LEPR: variants seen among roughly 807,000 people sequenced by gnomAD.
LEPR encodes OB receptor.
LEPR carries 56 observed loss-of-function variants against 114.7 expected under a neutral mutation model. The ratio of observed to expected loss-of-function variants is 0.49; its 90% CI spans 0.39 to 0.61. The LOEUF (loss-of-function observed/expected upper bound fraction) is 0.61. Ranked by LOEUF, LEPR falls within the 20% of genes least tolerant of loss-of-function variation. The pLI is 0.00. For missense variants in LEPR, 1,202 were observed against 1,352.9 expected (o/e 0.89, Z 1.75); for synonymous variants, 443 against 461.4 (o/e 0.96, Z 0.51).
At chr1:65,447,730 GT>G (rs1646731930) in intron 2 of LEPR, among the ~76,000 whole-genome samples, 1 of 151,776 alleles carries the variant, frequency 6.6e-6, no homozygotes, top group Non-Finnish European at 1.5e-5. Context: ...GCAGATATGG[GT>G]TTTTGCCATG....
chr1:65,470,091 T>G (rs1647064700), intron 2 of LEPR, among the ~76,000 whole-genome samples: 3 of 152,220 alleles, frequency 2.0e-5, no homozygotes, highest in South Asian at 2.1e-4. Context: ...TCCTTTCCCC[T>G]AAATTCTAGT....
rs375734433 is a variant in LEPR, at chr1:65,564,424, G to C, written c.-20-1122G>C. On this transcript the variant is annotated intron_variant, in intron 2 of 19. Transcript: ENST00000349533. The stretch of plus-strand genomic sequence containing the variant: ...CCCTGCTTCGGCTCGCACACGGTGC[G>C]TGCACCCACTGGCCTGCGCCCACTG... Among the ~76,000 whole-genome samples the C allele has an allele frequency of 2.1e-5, 3 of 142,588 alleles. No individual in the cohort carries two copies. In the East Asian group the frequency reaches 5.9e-4, roughly 28 times the overall value. 93.5% of individuals were successfully genotyped at this position (142,588 alleles called of 152,430 possible). A position where few individuals can be genotyped will look rare whatever the true frequency, so the allele number is the denominator to read the frequency against.
chr1:65,539,975 C>T (rs897254955), intron 2 of LEPR, among the ~76,000 whole-genome samples: 4 of 152,260 alleles, frequency 2.6e-5, no homozygotes, highest in African/African-American at 9.6e-5. Context: ...GTTCGGAGAG[C>T]TACCCAGTAA....
At chr1:65,458,122 T>A (rs1400870887) in intron 2 of LEPR, among the ~76,000 whole-genome samples, 1 of 152,190 alleles carries the variant, frequency 6.6e-6, no homozygotes, top group Non-Finnish European at 1.5e-5. Flanking sequence ...AACCTCAAAT[T>A]TAGATGAAAA....
chr1:65,514,925 A>T (rs1314342971), intron 2 of LEPR, among the ~76,000 whole-genome samples: 4 of 152,278 alleles, frequency 2.6e-5, no homozygotes, highest in Non-Finnish European at 5.9e-5. Flanking sequence ...GGGCATTTAT[A>T]TAGGGATACG....
At chr1:65,461,739 G>C (rs2100376930) in intron 2 of LEPR, among the ~76,000 whole-genome samples, 1 of 152,314 alleles carries the variant, frequency 6.6e-6, no homozygotes, top group East Asian at 1.9e-4. Context: ...CAGTTATGGA[G>C]AGAGGAAAAA....
At position 65,572,340 on chromosome 1, in the gene LEPR, A is replaced by T. The variant is rs1311632339; in HGVS notation, c.385A>T (p.Ile129Leu). 6.4e-7 allele frequency: 1 copy of T among 1,566,456 alleles called. No individual in the cohort carries two copies. Among genetic ancestry groups the T allele is most frequent in the Admixed American group, 1.9e-5 (1 of 52,982 alleles). Residue 129 changes from isoleucine (I) to leucine (L), a missense_variant, in exon 5 of 20, where the codon ATA becomes TTA. By Grantham distance (5) the Ile-to-Leu change is conservative. Transcript: ENST00000349533. ...TTTAAATTCAGATGCAAACTGGAAC[A>T]TACAGTGCTGGCTAAAAGGAGACTT... ...VFQQIDANWN[I>L]QCWLKGDLKL...
At chr1:65,535,678 A>G (rs964712483) in intron 2 of LEPR, among the ~76,000 whole-genome samples, 1 of 141,580 alleles carries the variant, frequency 7.1e-6, no homozygotes, top group African/African-American at 2.5e-5. Context: ...GACACAACAA[A>G]CAGGATGCAA....
rs1283267112 is a variant in LEPR at position 65,639,950 on chromosome 1, G to A, written c.*2935G>A. On this transcript the variant is annotated 3_prime_UTR_variant, in exon 20 of 20. Coordinates refer to ENST00000349533, the MANE Select transcript of LEPR (RefSeq NM_002303.6). ...GAGCTACAAGTTGACAAGAAAAATA[G>A]GAGCAGTTTTTTTTTTCTTTTTAAA... The A allele has an allele frequency of 1.3e-5, 2 of 152,050 alleles. No individual in the cohort carries two copies. Among genetic ancestry groups the A allele is most frequent in the East Asian group, 3.8e-4 (2 of 5,196 alleles). 9.4% of individuals were successfully genotyped at this position (152,050 alleles called of 1,614,324 possible).
chr1:65,628,147 C>T (rs968114620), intron 19 of LEPR, among the ~76,000 whole-genome samples: 4 of 152,058 alleles, frequency 2.6e-5, no homozygotes, highest in Non-Finnish European at 5.9e-5. Flanking sequence ...ACATTGCTAA[C>T]AATAGGATAA....
chr1:65,530,469 C>T (rs1277640865), intron 2 of LEPR, among the ~76,000 whole-genome samples: 1 of 152,120 alleles, frequency 6.6e-6, no homozygotes, highest in East Asian at 1.9e-4. Context: ...ATAGAGCAGC[C>T]CCAAGGTCTG....
chr1:65,475,620 T>TG (rs1342427317), intron 2 of LEPR, among the ~76,000 whole-genome samples: 1 of 152,196 alleles, frequency 6.6e-6, no homozygotes, highest in Non-Finnish European at 1.5e-5. Flanking sequence ...AAGGTGGTCT[T>TG]TGGCTGCTCA....
At chr1:65,500,470 C>T (rs1648389764) in intron 2 of LEPR, among the ~76,000 whole-genome samples, 1 of 152,154 alleles carries the variant, frequency 6.6e-6, no homozygotes, top group Non-Finnish European at 1.5e-5. Context: ...GCATCTGTCA[C>T]CCTGAGAGGG....
In LEPR at chr1:65,610,251, T is replaced by C. The variant is rs577164681; in HGVS notation, c.1950T>C (p.Asn650=). 4.8e-5 allele frequency: 78 copies of C among 1,613,938 alleles called. No homozygotes were observed. In the South Asian group the frequency reaches 5.3e-4, roughly 11 times the overall value. The change falls in exon 14 of 20, where the codon AAT becomes AAC. Residue 650 remains asparagine (N), a synonymous_variant. Transcript: ENST00000349533. Reference sequence around the variant, plus strand: ...GACCTGAATTTTGGAGAATAATTAATGGAGATACTATGAAAAAGGAGAAAA... The same window carrying C: ...GACCTGAATTTTGGAGAATAATTAACGGAGATACTATGAAAAAGGAGAAAA... ...MRGPEFWRII[N]GDTMKKEKNV...
chr1:65,593,955 G>C (rs998446331), intron 6 of LEPR, among the ~76,000 whole-genome samples: 3 of 152,010 alleles, frequency 2.0e-5, no homozygotes, highest in Non-Finnish European at 2.9e-5. Context: ...AATGAAGTAG[G>C]TAAGGGAAAG....
intron 2 of LEPR, among the ~76,000 whole-genome samples, chr1:65,501,325 CT>C (rs77603966): frequency 0.1 from 15,275 of 151,736 alleles, 1,025 homozygotes; most frequent in South Asian, 0.18. Flanking sequence ...CCTCTTTTAG[CT>C]TTTGGTAGCC....
intron 19 of LEPR, among the ~76,000 whole-genome samples, chr1:65,624,090 CCTG>C (rs1436722765): frequency 6.6e-6 from 1 of 152,132 alleles, no homozygotes; most frequent in Non-Finnish European, 1.5e-5. Flanking sequence ...TAGTACTCCT[CCTG>C]CTGTTCTTTA....
chr1:65,556,017 C>A (rs1284550889), intron 2 of LEPR, among the ~76,000 whole-genome samples: 1 of 152,124 alleles, frequency 6.6e-6, no homozygotes, highest in African/African-American at 2.4e-5. Context: ...ATGTTGAAAC[C>A]TAATTACCAA....
At chr1:65,557,816 C>T (rs1652932657) in intron 2 of LEPR, among the ~76,000 whole-genome samples, 1 of 152,130 alleles carries the variant, frequency 6.6e-6, no homozygotes, top group African/African-American at 2.4e-5. Flanking sequence ...ATGTCAGATA[C>T]CACCTTTCAC....
Sources: allele counts gnomAD v4.1 joint callset (sites outside exome capture counted in the v4.1 genomes callset), GRCh38; gene constraint gnomAD v4.1.1; transcripts MANE v1.5; gene names NCBI Gene and HGNC (gene_info 2026-07-23, HGNC 2026-07-21).